ADK: variants seen among roughly 807,000 people sequenced by gnomAD.
ADK encodes the protein N6,N6-dimethyladenosine kinase.
Under a neutral mutation model 44.7 loss-of-function variants are expected in ADK, and 24 were observed. The observed-to-expected ratio is 0.54, with a 90% CI of 0.39 to 0.76. The LOEUF is 0.76. Among genes scored for constraint, ADK ranks in the 30% least tolerant of loss-of-function variants. The probability of loss-of-function intolerance (pLI) is 0.00; values close to 1 mark genes in which losing one functional copy is unlikely to be tolerated. For missense variants in ADK, 321 were observed against 425.1 expected, an observed-to-expected ratio of 0.76 and a Z score of 2.15; for synonymous variants, 128 against 142.6, an observed-to-expected ratio of 0.90 and a Z score of 0.73.
chr10:74,585,040 TCTTTC>T (rs1213112242), intron 7 of ADK, among the ~76,000 whole-genome samples: 1 of 152,218 alleles, frequency 6.6e-6, no homozygotes, highest in Non-Finnish European at 1.5e-5. Flanking sequence ...CACTTGAGTT[TCTTTC>T]CTTTCCTGCA....
At position 74,601,870 on chromosome 10, in the gene ADK, A is replaced by T. The variant is rs181111107; in HGVS notation, c.877+1377A>T. On this transcript the variant is annotated intron_variant, in intron 9 of 10. Coordinates refer to ENST00000539909, the MANE Select transcript of ADK (RefSeq NM_006721.4). ...CACCTTGGGAAGTCAAGGTGGGAGG[A>T]TTGCTTGATCCCAGGAGTTGGAGAC... Among the ~76,000 whole-genome samples the T allele has an allele frequency of 4.5e-4, 68 of 150,042 alleles. No individual in the cohort carries two copies. The East Asian group carries it at 0.012, about 27-fold the overall frequency.
chr10:74,200,994 T>C (rs1843356999), intron 2 of ADK, among the ~76,000 whole-genome samples, 156 bp downstream of exon 2: 1 of 152,250 alleles, frequency 6.6e-6, no homozygotes, highest in South Asian at 2.1e-4. Context: ...TCATTAACTA[T>C]TGAATAACTG....
At chr10:74,437,725 A>G (rs559838570) in intron 6 of ADK, among the ~76,000 whole-genome samples, 2 of 152,320 alleles carry the variant, frequency 1.3e-5, no homozygotes, top group South Asian at 2.1e-4. Flanking sequence ...TAAAAATGCA[A>G]ACCAGCATAA....
rs545175058 is a variant in ADK at position 74,592,050 on chromosome 10, T to G, written c.762+2733T>G. Among the ~76,000 whole-genome samples, 46 of 152,304 alleles carry G rather than the reference T, an allele frequency of 3.0e-4. 2 individuals carry two copies. The highest frequency in any genetic ancestry group is 1.1e-3 in the African/African-American group (44 of 41,570). ...TTTACTTTTGTAAAAAAAAAAATCTTTAAACTGAATTCGGCAGTTTTCAGT... is the reference window on the plus strand; with the variant it reads ...TTTACTTTTGTAAAAAAAAAAATCTGTAAACTGAATTCGGCAGTTTTCAGT... On this transcript the variant is annotated intron_variant, in intron 8 of 10. Transcript: ENST00000539909.
chr10:74,342,483 T>G (rs188120420), intron 4 of ADK, among the ~76,000 whole-genome samples: 72 of 152,334 alleles, frequency 4.7e-4, no homozygotes, highest in Non-Finnish European at 8.7e-4. Context: ...TTTTGTTGTT[T>G]TGTTTTTGAG....
intron 6 of ADK, among the ~76,000 whole-genome samples, chr10:74,408,578 C>T (rs561470459): frequency 3.3e-5 from 5 of 152,126 alleles, no homozygotes; most frequent in African/African-American, 1.2e-4. Flanking sequence ...GGCACTGACC[C>T]CTTCGAAAAT....
intron 10 of ADK, among the ~76,000 whole-genome samples, chr10:74,681,849 C>CAAA (rs34381749): frequency 2.5e-4 from 23 of 93,142 alleles, no homozygotes; most frequent in African/African-American, 7.8e-4. Flanking sequence ...GACTCCATCT[C>CAAA]AAAAAAAAAA....
chr10:74,348,130 T>C (rs1318923976), intron 4 of ADK, among the ~76,000 whole-genome samples: 1 of 152,086 alleles, frequency 6.6e-6, no homozygotes, highest in African/African-American at 2.4e-5. Context: ...CTCCGTGCCT[T>C]CTCACTGGGA....
intron 4 of ADK, among the ~76,000 whole-genome samples, chr10:74,359,789 T>A (rs189935009): frequency 6.6e-6 from 1 of 152,298 alleles, no homozygotes; most frequent in East Asian, 1.9e-4. Context: ...ATGGGATGTC[T>A]TTTTTTCCTT....
chr10:74,183,881 T>C (rs1298082283), intron 1 of ADK, among the ~76,000 whole-genome samples: 1 of 152,178 alleles, frequency 6.6e-6, no homozygotes, highest in African/African-American at 2.4e-5. Flanking sequence ...TACTTTTTAC[T>C]TTTTTAGCTG....
At chr10:74,176,524 C>T in intron 1 of ADK, 1 of 1,244,374 alleles carries the variant, frequency 8.0e-7, no homozygotes, top group Non-Finnish European at 1.0e-6. Context: ...ATCTCTCGCC[C>T]TGTAAACTGC....
At chr10:74,403,731 A>G (rs888563911) in intron 6 of ADK, among the ~76,000 whole-genome samples, 1 of 151,388 alleles carries the variant, frequency 6.6e-6, no homozygotes, top group East Asian at 1.9e-4. Context: ...TTTGGCTCAC[A>G]CTCTGTGGGC....
intron 3 of ADK, among the ~76,000 whole-genome samples, chr10:74,314,127 A>G (rs1378473605): frequency 6.6e-6 from 1 of 152,032 alleles, no homozygotes; most frequent in Non-Finnish European, 1.5e-5. Context: ...TTTGACGTTT[A>G]GTAAGATGTG....
intron 4 of ADK, among the ~76,000 whole-genome samples, chr10:74,340,678 A>G (rs1236834438): frequency 6.6e-6 from 1 of 152,190 alleles, no homozygotes; most frequent in Non-Finnish European, 1.5e-5. Context: ...GTAAGAACAC[A>G]TATGAAACTG....
chr10:74,650,687 G>A (rs184876814), intron 9 of ADK, among the ~76,000 whole-genome samples: 1 of 152,174 alleles, frequency 6.6e-6, no homozygotes, highest in Non-Finnish European at 1.5e-5. Flanking sequence ...CCAGTGTTGA[G>A]ACTTCACATA....
chr10:74,552,108 A>G (rs999809330), intron 7 of ADK, among the ~76,000 whole-genome samples: 7 of 152,088 alleles, frequency 4.6e-5, no homozygotes, highest in Non-Finnish European at 1.5e-5. Flanking sequence ...CCAACTGTAT[A>G]CATATTTTGG....
chr10:74,251,894 CTTTTTTTTTTTT>C (rs566363104), intron 3 of ADK, among the ~76,000 whole-genome samples: 1 of 99,386 alleles, frequency 1.0e-5, no homozygotes, highest in African/African-American at 4.1e-5. Context: ...GTGGCAGATA[CTTTTTTTTTTTT>C]TTTTTTTTTT....
chr10:74,596,793 C>T (rs888733949), intron 8 of ADK, among the ~76,000 whole-genome samples: 8 of 152,150 alleles, frequency 5.3e-5, no homozygotes, highest in East Asian at 1.9e-4. Context: ...GCGATTCACC[C>T]GCCTCCGCCT....
intron 7 of ADK, among the ~76,000 whole-genome samples, chr10:74,542,293 G>A (rs1849666189): frequency 1.3e-5 from 2 of 152,152 alleles, no homozygotes; most frequent in Non-Finnish European, 2.9e-5. Flanking sequence ...GCCATGCCTG[G>A]ATTCCTTTTC....
Sources: allele counts gnomAD v4.1 joint callset (sites outside exome capture counted in the v4.1 genomes callset), GRCh38; gene constraint gnomAD v4.1.1; transcripts MANE v1.5; gene names NCBI Gene and HGNC (gene_info 2026-07-23, HGNC 2026-07-21).